Variants in SORT1 observed in about 807,000 individuals in gnomAD.
The protein encoded by SORT1 is sortilin.
A neutral mutation model predicts 101.7 loss-of-function variants in SORT1; 39 were observed. That is an observed-to-expected ratio of 0.38 (90% CI 0.30 to 0.50). The LOEUF is 0.50. Among genes scored for constraint, SORT1 ranks in the 20% least tolerant of loss-of-function variants. The pLI is 0.90. For synonymous variants in SORT1, 396 were observed against 393.7 expected (o/e 1.01, Z -0.07); for missense variants, 878 against 1,040.4 (o/e 0.84, Z 2.15).
intron 12 of SORT1, 121 bp downstream of exon 12, chr1:109,327,378 T>C: frequency 1.4e-6 from 1 of 731,266 alleles, no homozygotes; most frequent in South Asian, 2.0e-5. Flanking sequence ...TAAGAAATTC[T>C]ACCAAAGGAA....
At chr1:109,388,406 T>C (rs1452075576) in intron 1 of SORT1, among the ~76,000 whole-genome samples, 2 of 150,158 alleles carry the variant, frequency 1.3e-5, no homozygotes, top group Non-Finnish European at 3.0e-5. Context: ...ACCAGGCTAA[T>C]TAAAAAAATT....
intron 1 of SORT1, chr1:109,392,799 G>A (rs910538989): frequency 1.0e-6 from 1 of 984,616 alleles, no homozygotes; most frequent in Non-Finnish European, 1.2e-6. Context: ...TACATTGCAT[G>A]AGAGAAGACT....
chr1:109,315,748 C>CTTTTTTTTT (rs553898685), intron 17 of SORT1, among the ~76,000 whole-genome samples: 1 of 124,732 alleles, frequency 8.0e-6, no homozygotes, highest in Non-Finnish European at 1.7e-5. Flanking sequence ...GCCTCATAAC[C>CTTTTTTTTT]TTTTTTTTTT....
intron 1 of SORT1, among the ~76,000 whole-genome samples, chr1:109,380,906 G>A (rs1315632262): frequency 6.6e-6 from 1 of 151,784 alleles, no homozygotes; most frequent in East Asian, 1.9e-4. Flanking sequence ...ATGGGAGGGT[G>A]GTTTGAGCCC....
chr1:109,397,675 C>A lies in SORT1; in HGVS notation c.218G>T (p.Gly73Val). 2 of 1,205,796 alleles carry A rather than the reference C, an allele frequency of 1.7e-6. No individual in the cohort carries two copies. Among genetic ancestry groups the A allele is most frequent in the Non-Finnish European group, 1.0e-6 (1 of 969,628 alleles). 74.7% of individuals were successfully genotyped at this position (1,205,796 alleles called of 1,614,324 possible). ...GCCCGGCGCGCTGCGACGCCAACGGCCGCCGCGGGGAAACGCGCCCCCGGC... is the reference window on the plus strand; with the variant it reads ...GCCCGGCGCGCTGCGACGCCAACGGACGCCGCGGGGAAACGCGCCCCCGGC... ...AAAGGAFPRG[G>V]RWRRSAPGED... Residue 73 changes from glycine to valine, a missense_variant, in exon 1 of 20, where the codon GGC becomes GTC. Around this residue, in one of 2 missense-constraint regions of SORT1, gnomAD observed 194 missense variants for 145.9 expected, o/e 1.33. Coordinates refer to ENST00000256637, the MANE Select transcript of SORT1 (RefSeq NM_002959.7).
At position 109,314,385 on chromosome 1, in the gene SORT1, C is replaced by T; in HGVS notation, c.2358-1G>A. ...CACAGAGTATCGATGCACCAGGAAC[C>T]TGTGAACAGAAACCTCCTTAACACT... On this transcript the variant is annotated splice_acceptor_variant, in intron 18 of 19. Transcript: ENST00000256637. LOFTEE classifies it high-confidence loss of function. 6.2e-7 allele frequency: 1 copy of T among 1,613,740 alleles called. No homozygotes were observed. Among genetic ancestry groups the T allele is most frequent in the Non-Finnish European group, 8.5e-7 (1 of 1,179,958 alleles).
intron 10 of SORT1, among the ~76,000 whole-genome samples, chr1:109,339,165 C>T (rs1649046236): frequency 6.6e-6 from 1 of 152,188 alleles, no homozygotes; most frequent in South Asian, 2.1e-4. Flanking sequence ...GTGTGAGCCA[C>T]CGCGCCCAGC....
chr1:109,348,135 G>C (rs61177050), intron 6 of SORT1, among the ~76,000 whole-genome samples: 2,785 of 152,202 alleles, frequency 0.018, 91 homozygotes, highest in African/African-American at 0.064. Context: ...TCAATGCTTT[G>C]TATGAGTTAA....
chr1:109,316,588 T>C (rs529031704), intron 17 of SORT1, among the ~76,000 whole-genome samples: 62 of 152,220 alleles, frequency 4.1e-4, no homozygotes, highest in African/African-American at 1.5e-3. Flanking sequence ...TTTCCACAAC[T>C]GTATGATTTT....
intron 1 of SORT1, among the ~76,000 whole-genome samples, chr1:109,381,337 T>C (rs949559747): frequency 1.5e-4 from 23 of 152,148 alleles, no homozygotes; most frequent in Non-Finnish European, 3.1e-4. Flanking sequence ...CTGTATATTA[T>C]AAATGAAGAA....
intron 5 of SORT1, among the ~76,000 whole-genome samples, chr1:109,353,232 G>A (rs1410490973): frequency 6.6e-6 from 1 of 151,262 alleles, no homozygotes; most frequent in Non-Finnish European, 1.5e-5. Flanking sequence ...GGAGGCTGAG[G>A]CAGGAGAAGC....
At chr1:109,346,744 C>CTAA (rs1649632088) in intron 7 of SORT1, among the ~76,000 whole-genome samples, 1 of 46,732 alleles carries the variant, frequency 2.1e-5, no homozygotes, top group African/African-American at 7.2e-5. Context: ...GACTCCGTCT[C>CTAA]AAAAAAAAAA....
intron 11 of SORT1, among the ~76,000 whole-genome samples, chr1:109,335,914 C>T (rs2101570862): frequency 6.6e-6 from 1 of 152,346 alleles, no homozygotes. Context: ...TCTTGCAGAA[C>T]CTCTAAAGTC....
At chr1:109,340,146 C>CAAAAAAAAAAAAAAAAAAAAAA (rs34790280) in intron 10 of SORT1, among the ~76,000 whole-genome samples, 1 of 96,286 alleles carries the variant, frequency 1.0e-5, no homozygotes, top group Non-Finnish European at 2.1e-5. Flanking sequence ...GATTCCATCT[C>CAAAAAAAAAAAAAAAAAAAAAA]AAAAAAAAAA....
At chr1:109,317,786 A>C in intron 16 of SORT1, 67 bp downstream of exon 16, 1 of 1,058,486 alleles carries the variant, frequency 9.4e-7, no homozygotes, top group East Asian at 2.4e-5. Flanking sequence ...CAGTGTGGAG[A>C]GAAGCAGCTT....
At chr1:109,325,116 T>C in intron 13 of SORT1, 27 bp from the exon 14 acceptor site, 1 of 1,537,324 alleles carries the variant, frequency 6.5e-7, no homozygotes, top group African/African-American at 1.4e-5. Context: ...AGAAAGATCA[T>C]GACAGAGGAT....
chr1:109,327,843 G>C (rs962164984), intron 11 of SORT1, among the ~76,000 whole-genome samples: 1 of 152,104 alleles, frequency 6.6e-6, no homozygotes, highest in Non-Finnish European at 1.5e-5. Flanking sequence ...TTAAGCAACT[G>C]TTACCTACTT....
intron 15 of SORT1, among the ~76,000 whole-genome samples, chr1:109,319,829 T>C (rs527909296): frequency 3.0e-4 from 45 of 150,702 alleles, no homozygotes; most frequent in South Asian, 2.1e-4. Context: ...ATCGCACCAC[T>C]GTACTCCGGC....
chr1:109,319,712 A>G (rs1647488910), intron 15 of SORT1, among the ~76,000 whole-genome samples: 1 of 152,060 alleles, frequency 6.6e-6, no homozygotes, highest in Admixed American at 6.6e-5. Flanking sequence ...CTAGAAATAC[A>G]AAAAATTAGC....
Sources: gnomAD v4.1 joint callset for allele counts (sites outside exome capture counted in the v4.1 genomes callset) on GRCh38, gnomAD v4.1.1 for gene constraint, gnomAD v4.1.1 regional missense constraint, MANE v1.5 for transcripts, NCBI Gene and HGNC (gene_info 2026-07-23, HGNC 2026-07-21) for gene names.